TAS2R1: variants seen among roughly 807,000 people sequenced by gnomAD.
TAS2R1 encodes taste receptor type 2 member 1.
For synonymous variants in TAS2R1, 141 were observed against 134.2 expected (o/e 1.05, Z -0.35); for missense variants, 370 against 353.4 (o/e 1.05, Z -0.38).
In TAS2R1 at chr5:9,629,099, A is replaced by C. The variant is rs1739814024; in HGVS notation, c.*34T>G. The C allele has an allele frequency of 1.3e-6, 2 of 1,510,078 alleles. No individual in the cohort carries two copies. Among genetic ancestry groups the C allele is most frequent in the African/African-American group, 2.8e-5 (2 of 71,652 alleles). 93.5% of individuals were successfully genotyped at this position (1,510,078 alleles called of 1,614,324 possible). On this transcript the variant is annotated 3_prime_UTR_variant, in exon 1 of 1. Transcript: ENST00000382492. ...GTGGCAGGCATGGGTAAATCATTGA[A>C]TCATGGGTTCTTTGAACTGATCCAA... is the stretch of plus-strand genomic sequence containing the variant.
the TAS2R1 span, among the ~76,000 whole-genome samples, chr5:9,902,488 A>G: frequency 6.6e-6 from 1 of 152,074 alleles, no homozygotes; most frequent in African/African-American, 2.4e-5. Flanking sequence ...GGTCCAGCAT[A>G]TAAGGAGCTT....
chr5:9,819,639 C>T, the TAS2R1 span, among the ~76,000 whole-genome samples: 1 of 152,178 alleles, frequency 6.6e-6, no homozygotes, highest in Non-Finnish European at 1.5e-5. Context: ...GTATCTGCTG[C>T]ATCTGGCTTC....
At chr5:9,858,824 T>C in the TAS2R1 span, among the ~76,000 whole-genome samples, 2 of 152,202 alleles carry the variant, frequency 1.3e-5, no homozygotes, top group African/African-American at 4.8e-5. Context: ...CCTGTCTGTA[T>C]AATATAATTC....
chr5:9,880,633 A>G, the TAS2R1 span, among the ~76,000 whole-genome samples: 1 of 121,186 alleles, frequency 8.3e-6, no homozygotes, highest in Non-Finnish European at 2.0e-5. Flanking sequence ...ACAACCAAAA[A>G]TGTCTCCAGG....
chr5:9,751,664 AAG>A, the TAS2R1 span, among the ~76,000 whole-genome samples: 3 of 152,202 alleles, frequency 2.0e-5, no homozygotes, highest in African/African-American at 7.2e-5. Context: ...AGAGGTATAC[AAG>A]AGTTTCCTCC....
the TAS2R1 span, among the ~76,000 whole-genome samples, chr5:9,781,472 G>A: frequency 3.9e-5 from 6 of 152,252 alleles, 1 homozygote; most frequent in Middle Eastern, 6.8e-3. Flanking sequence ...CAACCCAAGC[G>A]ACTCTCCTAA....
the TAS2R1 span, among the ~76,000 whole-genome samples, chr5:9,729,325 T>TG: frequency 1 from 152,304 of 152,304 alleles, 76,152 homozygotes; most frequent in Non-Finnish European, 1. Flanking sequence ...GGGTCTGTCC[T>TG]GGGTCAGGCT....
chr5:9,752,480 T>C, the TAS2R1 span, among the ~76,000 whole-genome samples: 1 of 152,176 alleles, frequency 6.6e-6, no homozygotes, highest in African/African-American at 2.4e-5. Flanking sequence ...TATCTGGCCG[T>C]CTAGCCTGAG....
the TAS2R1 span, among the ~76,000 whole-genome samples, chr5:9,863,566 G>C: frequency 1.3e-5 from 2 of 152,148 alleles, no homozygotes; most frequent in Non-Finnish European, 2.9e-5. Context: ...CACCTAGCCA[G>C]GCCCAAAGAT....
upstream of TAS2R1, among the ~76,000 whole-genome samples, chr5:9,715,069 G>A (rs1483442573): frequency 6.6e-6 from 1 of 152,202 alleles, no homozygotes; most frequent in Non-Finnish European, 1.5e-5. Context: ...GGGACTCCAG[G>A]AAGATATGTC....
the TAS2R1 span, among the ~76,000 whole-genome samples, chr5:9,798,766 T>G: frequency 6.6e-6 from 1 of 152,250 alleles, no homozygotes; most frequent in African/African-American, 2.4e-5. Flanking sequence ...GAGAATGAAC[T>G]GACTGTGCCA....
At chr5:9,807,419 G>A in the TAS2R1 span, among the ~76,000 whole-genome samples, 2 of 152,120 alleles carry the variant, frequency 1.3e-5, no homozygotes, top group Admixed American at 1.3e-4. Context: ...CAGAGGAAAA[G>A]AAGTCATTGT....
At chr5:9,658,979 C>T (rs1331629436) in intron 2 of TAS2R1, among the ~76,000 whole-genome samples, 1 of 152,218 alleles carries the variant, frequency 6.6e-6, no homozygotes, top group African/African-American at 2.4e-5. Flanking sequence ...CTATACTCTG[C>T]CTTTCCAGAA....
chr5:9,649,899 A>C (rs1166807085), intron 2 of TAS2R1, among the ~76,000 whole-genome samples: 1 of 152,176 alleles, frequency 6.6e-6, no homozygotes, highest in Non-Finnish European at 1.5e-5. Context: ...TACTTTTCCA[A>C]AACTGAGAAT....
chr5:9,685,472 TTA>T (rs1741106526), intron 1 of TAS2R1, among the ~76,000 whole-genome samples: 1 of 152,126 alleles, frequency 6.6e-6, no homozygotes, highest in African/African-American at 2.4e-5. Flanking sequence ...ATATCACATA[TTA>T]TGTTATATTG....
the TAS2R1 span, among the ~76,000 whole-genome samples, chr5:9,831,791 C>T: frequency 6.6e-6 from 1 of 152,064 alleles, no homozygotes; most frequent in African/African-American, 2.4e-5. Flanking sequence ...CAAGTCTTAC[C>T]TCCCAGCTCC....
chr5:9,744,398 T>A, the TAS2R1 span, among the ~76,000 whole-genome samples: 1 of 152,158 alleles, frequency 6.6e-6, no homozygotes, highest in African/African-American at 2.4e-5. Flanking sequence ...AAGATGGGAA[T>A]GGAAAAATAT....
chr5:9,850,915 G>A, the TAS2R1 span, among the ~76,000 whole-genome samples: 1 of 152,216 alleles, frequency 6.6e-6, no homozygotes, highest in Non-Finnish European at 1.5e-5. Context: ...CAGACCTGGA[G>A]TGGGAGGGGG....
At chr5:9,885,736 T>A in the TAS2R1 span, among the ~76,000 whole-genome samples, 1 of 152,026 alleles carries the variant, frequency 6.6e-6, no homozygotes, top group East Asian at 1.9e-4. Flanking sequence ...GGCCACTGAG[T>A]CAGAAAGTTG....
Sources: allele counts gnomAD v4.1 joint callset (sites outside exome capture counted in the v4.1 genomes callset), GRCh38; gene constraint gnomAD v4.1.1; transcripts MANE v1.5; gene names NCBI Gene and HGNC (gene_info 2026-07-23, HGNC 2026-07-21).